The following LRRTM4 variants were observed in gnomAD, a reference collection of about 807,000 sequenced individuals.
LRRTM4 encodes leucine rich repeat transmembrane neuronal 4.
Under a neutral mutation model 47.6 loss-of-function variants are expected in LRRTM4, and 25 were observed. That is an observed-to-expected ratio of 0.53 (90% CI 0.38 to 0.73). The LOEUF (loss-of-function observed/expected upper bound fraction) is 0.73, where lower values mean the gene tolerates loss of function less well. Ranked by LOEUF, LRRTM4 falls within the 30% of genes least tolerant of loss-of-function variation. The probability of loss-of-function intolerance (pLI) is 0.00; values close to 1 mark genes in which losing one functional copy is unlikely to be tolerated. For missense variants in LRRTM4, 638 were observed against 713.4 expected (o/e 0.89, Z 1.20); for synonymous variants, 311 against 269.5 (o/e 1.15, Z -1.51).
At chr2:76,967,171 T>A (rs932068760) in intron 3 of LRRTM4, among the ~76,000 whole-genome samples, 42 of 151,118 alleles carry the variant, frequency 2.8e-4, no homozygotes, top group Admixed American at 2.3e-3. Context: ...TTTTTTTTTT[T>A]TTATTCTTAG....
chr2:76,979,160 C>T (rs1676513609), intron 3 of LRRTM4, among the ~76,000 whole-genome samples: 1 of 151,982 alleles, frequency 6.6e-6, no homozygotes, highest in Admixed American at 6.6e-5. Flanking sequence ...ATCAGACATG[C>T]ATAGGATCAC....
chr2:76,984,405 C>A (rs1484343311), intron 3 of LRRTM4, among the ~76,000 whole-genome samples: 1 of 151,908 alleles, frequency 6.6e-6, no homozygotes, highest in Non-Finnish European at 1.5e-5. Context: ...GAATGAACAA[C>A]AAAAACAGCA....
intron 3 of LRRTM4, among the ~76,000 whole-genome samples, chr2:77,054,202 T>TA (rs757109571): frequency 3.2e-4 from 49 of 152,188 alleles, no homozygotes; most frequent in Non-Finnish European, 5.9e-4. Flanking sequence ...AGAGGGTACC[T>TA]ACAGAGACTG....
chr2:77,501,121 T>C (rs1402913312), intron 3 of LRRTM4, among the ~76,000 whole-genome samples: 1 of 150,528 alleles, frequency 6.6e-6, no homozygotes, highest in African/African-American at 2.4e-5. Context: ...AATGTAATTA[T>C]ATATAATTTT....
intron 3 of LRRTM4, among the ~76,000 whole-genome samples, chr2:77,024,870 G>T (rs1257536771): frequency 6.6e-6 from 1 of 152,044 alleles, no homozygotes; most frequent in Non-Finnish European, 1.5e-5. Flanking sequence ...ATTATATCTT[G>T]TTGGAAATGT....
intron 3 of LRRTM4, among the ~76,000 whole-genome samples, chr2:77,427,234 C>T (rs901282186): frequency 6.6e-6 from 1 of 152,146 alleles, no homozygotes; most frequent in African/African-American, 2.4e-5. Context: ...ACCTCAGCTT[C>T]CCAAAGTGCT....
intron 3 of LRRTM4, among the ~76,000 whole-genome samples, chr2:77,227,879 A>G (rs1171053686): frequency 2.0e-5 from 3 of 152,064 alleles, no homozygotes; most frequent in Non-Finnish European, 2.9e-5. Flanking sequence ...TTTCTTATGC[A>G]TATGTCTACA....
intron 3 of LRRTM4, among the ~76,000 whole-genome samples, chr2:77,082,226 T>A (rs1284762666): frequency 2.0e-5 from 3 of 152,118 alleles, no homozygotes; most frequent in African/African-American, 2.4e-5. Context: ...CTTTTGGATT[T>A]TGATTCTGAG....
At chr2:76,905,529 G>T (rs1046888602) in intron 3 of LRRTM4, among the ~76,000 whole-genome samples, 1 of 152,054 alleles carries the variant, frequency 6.6e-6, no homozygotes, top group Admixed American at 6.6e-5. Context: ...AGAGAAGAAG[G>T]CTTCAGACGA....
At chr2:77,348,907 G>T (rs1430466879) in intron 3 of LRRTM4, among the ~76,000 whole-genome samples, 1 of 151,354 alleles carries the variant, frequency 6.6e-6, no homozygotes, top group Non-Finnish European at 1.5e-5. Flanking sequence ...TAAATGAAAA[G>T]GCATTTGATA....
intron 3 of LRRTM4, among the ~76,000 whole-genome samples, chr2:77,088,566 A>C (rs1252082807): frequency 4.0e-5 from 6 of 150,384 alleles, no homozygotes; most frequent in South Asian, 2.1e-4. Flanking sequence ...CCCTATCTCC[A>C]TTCGCTGACT....
intron 3 of LRRTM4, among the ~76,000 whole-genome samples, chr2:77,351,747 A>G (rs892218313): frequency 5.3e-5 from 8 of 151,742 alleles, no homozygotes; most frequent in African/African-American, 1.9e-4. Flanking sequence ...ACTACTTGGT[A>G]GTTAATGTGT....
intron 3 of LRRTM4, among the ~76,000 whole-genome samples, chr2:77,337,729 A>AT (rs1288333749): frequency 2.6e-5 from 4 of 152,074 alleles, no homozygotes; most frequent in Non-Finnish European, 4.4e-5. Flanking sequence ...GCCTTTATAC[A>AT]TTACCCAGTC....
intron 3 of LRRTM4, among the ~76,000 whole-genome samples, chr2:77,452,689 G>C (rs1676306528): frequency 6.6e-6 from 1 of 152,072 alleles, no homozygotes; most frequent in Non-Finnish European, 1.5e-5. Flanking sequence ...AAGAGGCCCT[G>C]CATTTTCATT....
chr2:77,257,717 A>AAC (rs57315997), intron 3 of LRRTM4, among the ~76,000 whole-genome samples: 8,616 of 146,798 alleles, frequency 0.059, 340 homozygotes, highest in African/African-American at 0.11. Flanking sequence ...TTAAAAATAC[A>AAC]ACACACACAC....
At chr2:76,936,869 C>A (rs1285177273) in intron 3 of LRRTM4, among the ~76,000 whole-genome samples, 1 of 139,056 alleles carries the variant, frequency 7.2e-6, no homozygotes, top group Non-Finnish European at 1.5e-5. Context: ...CAGGGAGAAT[C>A]GCTTGAACCC....
rs193026287 is a variant in LRRTM4 at position 77,348,199 on chromosome 2, A to T, written c.1551+170119T>A. ...GTATGCTCATTTAACCATTTAGATAAGTTGTATATACTGTTAAACTTAACA... is the reference window on the plus strand; with the variant it reads ...GTATGCTCATTTAACCATTTAGATATGTTGTATATACTGTTAAACTTAACA... On this transcript the variant is annotated intron_variant, in intron 3 of 3. Transcript: ENST00000409884. 2.3e-4 allele frequency among the ~76,000 whole-genome samples: 35 copies of T among 152,130 alleles called. No homozygotes were observed. In the East Asian group the frequency reaches 5.8e-3, roughly 25 times the overall value.
chr2:77,044,377 C>A (rs1679158102), intron 3 of LRRTM4, among the ~76,000 whole-genome samples: 1 of 151,726 alleles, frequency 6.6e-6, no homozygotes, highest in South Asian at 2.1e-4. Flanking sequence ...ATCAAACAGT[C>A]CAAACATTAC....
chr2:77,138,336 C>T (rs991116406), intron 3 of LRRTM4, among the ~76,000 whole-genome samples: 1 of 152,180 alleles, frequency 6.6e-6, no homozygotes, highest in African/African-American at 2.4e-5. Context: ...AACCACTCAA[C>T]TACATGGAAA....
Sources: allele counts gnomAD v4.1 joint callset (sites outside exome capture counted in the v4.1 genomes callset), GRCh38; gene constraint gnomAD v4.1.1; transcripts MANE v1.5; gene names NCBI Gene and HGNC (gene_info 2026-07-23, HGNC 2026-07-21).